The following CACNA1H variants were observed in gnomAD, a reference collection of about 807,000 sequenced individuals.
The protein encoded by CACNA1H is calcium voltage-gated channel subunit alpha1 H, also known as voltage-dependent T-type calcium channel subunit alpha-1H.
A neutral mutation model predicts 192.5 loss-of-function variants in CACNA1H; 149 were observed. The observed-to-expected ratio is 0.77, with a 90% CI of 0.68 to 0.89. CACNA1H has a LOEUF of 0.89. Ranked by LOEUF, CACNA1H falls within the 40% of genes least tolerant of loss-of-function variation. CACNA1H has a pLI of 0.00. For missense variants in CACNA1H, 4,257 were observed against 3,423.5 expected, an observed-to-expected ratio of 1.24 and a Z score of -6.08; for synonymous variants, 2,202 against 1,475.2, an observed-to-expected ratio of 1.49 and a Z score of -11.29.
At position 1,208,106 on chromosome 16, in the gene CACNA1H, C is replaced by T. The variant is rs1064793076; in HGVS notation, c.3248C>T (p.Thr1083Met). 12 of 1,595,254 alleles carry T rather than the reference C, an allele frequency of 7.5e-6. No homozygotes were observed. The highest frequency in any genetic ancestry group is 1.0e-5 in the Non-Finnish European group (12 of 1,172,138). ...CCCCTCATCATGTGCACAGCTGCCACGCCCATGCCTACCCCCAAGAGCTCA... is the reference window on the plus strand; with the variant it reads ...CCCCTCATCATGTGCACAGCTGCCATGCCCATGCCTACCCCCAAGAGCTCA... ...SPPLIMCTAA[T>M]PMPTPKSSPF... is the part of the protein sequence containing the mutation. The change falls in exon 16 of 35, where the codon ACG becomes ATG. Residue 1083 changes from threonine to methionine, a missense_variant. Transcript: ENST00000348261.
chr16:1,204,386 G>C lies in CACNA1H; in HGVS notation c.2379G>C (p.Lys793Asn), dbSNP rs755411250. Reference sequence around the variant, plus strand: ...AGCTGCGCCGCATCGTGGACAGCAAGTACTTCAGCCGTGGCATCATGATGG... The same window carrying C: ...AGCTGCGCCGCATCGTGGACAGCAACTACTTCAGCCGTGGCATCATGATGG... ...SGKLRRIVDS[K>N]YFSRGIMMAI... The change falls in exon 10 of 35, where the codon AAG becomes AAC. Residue 793 changes from lysine (K) to asparagine (N), a missense_variant. Physicochemically the swap from Lys to Asn is moderately conservative, Grantham distance 94. Transcript: ENST00000348261. The C allele has an allele frequency of 1.9e-6, 3 of 1,561,706 alleles. No homozygotes were observed.
In CACNA1H at chr16:1,193,869, C is replaced by G. The variant is rs148131084; in HGVS notation, c.300-1103C>G. Among the ~76,000 whole-genome samples the G allele has an allele frequency of 8.3e-3, 1,264 of 152,156 alleles. 6 individuals are homozygous for G. Among genetic ancestry groups the G allele is most frequent in the Non-Finnish European group, 0.014 (946 of 67,956 alleles). ...GTGACAGGTGGGGGCAGGGAAGGCC[C>G]TCGTCACCAAGCCTGTTCCCCTCCT... is the stretch of plus-strand genomic sequence containing the variant. On this transcript the variant is annotated intron_variant, in intron 2 of 34. Transcript: ENST00000348261.
intron 2 of CACNA1H, among the ~76,000 whole-genome samples, chr16:1,179,022 A>G (rs1965199215): frequency 6.6e-6 from 1 of 152,168 alleles, no homozygotes; most frequent in Admixed American, 6.5e-5. Flanking sequence ...CTGTCAGGTC[A>G]CAGAGACCCT....
In CACNA1H at chr16:1,215,511, T is replaced by C. The variant is rs1476660235; in HGVS notation, c.5174-12T>C. ...CCGCCCAGCCCTGCTGACGCTCAGC[T>C]CCCGGCCCTAGTGCTGAAGCTGCTG... On this transcript the variant is annotated splice_polypyrimidine_tract_variant and intron_variant, in intron 29 of 34. Transcript: ENST00000348261. 1 of 1,610,340 alleles carries C rather than the reference T, an allele frequency of 6.2e-7. No individual in the cohort carries two copies. The highest frequency in any genetic ancestry group is 8.5e-7 in the Non-Finnish European group (1 of 1,179,024).
intron 2 of CACNA1H, among the ~76,000 whole-genome samples, chr16:1,185,439 C>T (rs1001480760): frequency 2.1e-4 from 32 of 151,304 alleles, no homozygotes; most frequent in South Asian, 6.3e-4. Flanking sequence ...GACTCCTGGA[C>T]GGTGTCTGTG....
intron 26 of CACNA1H, among the ~76,000 whole-genome samples, chr16:1,213,004 G>A (rs2745168): frequency 0.098 from 14,927 of 152,326 alleles, 976 homozygotes; most frequent in South Asian, 0.25. Flanking sequence ...GCAGGTCCTG[G>A]GGTGTGGTGG....
At position 1,196,010 on chromosome 16, in the gene CACNA1H, C is replaced by T; in HGVS notation, c.630C>T (p.Ile210=). The T allele has an allele frequency of 6.2e-7, 1 of 1,612,718 alleles. No homozygotes were observed. Among genetic ancestry groups the T allele is most frequent in the Non-Finnish European group, 8.5e-7 (1 of 1,179,604 alleles). Residue 210 remains isoleucine, a synonymous_variant, in exon 5 of 35, where the codon ATC becomes ATT. Transcript: ENST00000348261. ...TVRVLRPLRA[I]NRVPSMRILV... Reference sequence around the variant, plus strand: ...GGGTGCTGCGGCCCCTCCGCGCCATCAACCGCGTGCCTAGTAAGTGACCGG... The same window carrying T: ...GGGTGCTGCGGCCCCTCCGCGCCATTAACCGCGTGCCTAGTAAGTGACCGG...
At position 1,181,465 on chromosome 16, in the gene CACNA1H, G is replaced by A. The variant is rs1390972046; in HGVS notation, c.300-13507G>A. On this transcript the variant is annotated intron_variant, in intron 2 of 34. Coordinates refer to ENST00000348261, the MANE Select transcript of CACNA1H (RefSeq NM_021098.3). Reference sequence around the variant, plus strand: ...TTCCGGCAGAACATCCTGGGTGGTCGTGCCCCCGAGGTCCTTGCCGGTGTG... The same window carrying A: ...TTCCGGCAGAACATCCTGGGTGGTCATGCCCCCGAGGTCCTTGCCGGTGTG... 5.3e-5 allele frequency among the ~76,000 whole-genome samples: 8 copies of A among 152,356 alleles called. No individual in the cohort carries two copies. The East Asian group carries it at 1.5e-3, about 29-fold the overall frequency.
At chr16:1,199,578 C>T (rs1967525203) in intron 6 of CACNA1H, among the ~76,000 whole-genome samples, 1 of 151,172 alleles carries the variant, frequency 6.6e-6, no homozygotes. Context: ...CTCCCCACAC[C>T]CCAGAGTCCG....
At chr16:1,161,517 C>T (rs1029432914) in intron 2 of CACNA1H, among the ~76,000 whole-genome samples, 6 of 152,316 alleles carry the variant, frequency 3.9e-5, no homozygotes, top group Middle Eastern at 6.8e-3. Context: ...AAGACTCAGC[C>T]TCAACTGGGT....
At position 1,198,762 on chromosome 16, in the gene CACNA1H, G is replaced by T. The variant is rs1320625761; in HGVS notation, c.791G>T (p.Ser264Ile). Residue 264 changes from serine to isoleucine, a missense_variant, in exon 6 of 35, where the codon AGT becomes ATT. By Grantham distance (142) the Ser-to-Ile change is moderately radical. Coordinates refer to ENST00000348261, the MANE Select transcript of CACNA1H (RefSeq NM_021098.3). ...GLLRNRCFLD[S>I]AFVRNNNLTF... ...CTGCGGAACCGCTGCTTCCTGGACA[G>T]TGCCTTTGTCAGGTGCCCAGGCCCC... 1.2e-6 allele frequency: 2 copies of T among 1,611,496 alleles called. No homozygotes were observed.
In CACNA1H at chr16:1,220,214, G is replaced by A. The variant is rs770576341; in HGVS notation, c.6282G>A (p.Ser2094=). 29 of 1,571,832 alleles carry A rather than the reference G, an allele frequency of 1.8e-5. No homozygotes were observed. In the East Asian group the frequency reaches 2.4e-4, roughly 13 times the overall value. Residue 2094 remains serine, a synonymous_variant, in exon 35 of 35, where the codon TCG becomes TCA. Transcript: ENST00000348261. ...CAGGCGGAGAGGAGGCCGAGGCCTCGGACCCAGCCGACGAGGAGGTCAGCC... is the reference window on the plus strand; with the variant it reads ...CAGGCGGAGAGGAGGCCGAGGCCTCAGACCCAGCCGACGAGGAGGTCAGCC... ...AAPGGEEAEA[S]DPADEEVSHI...
chr16:1,157,790 C>G (rs1162792819), intron 2 of CACNA1H: 1 of 152,384 alleles, frequency 6.6e-6, no homozygotes, highest in Non-Finnish European at 1.5e-5. Context: ...GCCTGAACTC[C>G]AAGCTGGGGG....
Position 1,153,728 on chromosome 16 carries a change from G to A in CACNA1H, c.-10G>A, listed in dbSNP as rs1267919259. On this transcript the variant is annotated 5_prime_UTR_variant, in exon 2 of 35. Transcript: ENST00000348261. ...CCCCCTGTCCTCTGCAGGTGCTGCC[G>A]GCCGCCACCATGACCGAGGGCGCAC... The A allele has an allele frequency of 9.1e-6, 11 of 1,203,566 alleles. No homozygotes were observed. The highest frequency in any genetic ancestry group is 1.1e-5 in the Non-Finnish European group (11 of 970,236). 74.6% of individuals were successfully genotyped at this position (1,203,566 alleles called of 1,614,324 possible).
Position 1,206,261 on chromosome 16 carries a change from C to T in CACNA1H, c.2761C>T (p.Leu921=). The T allele has an allele frequency of 1.9e-6, 3 of 1,570,078 alleles. No individual in the cohort carries two copies. In the South Asian group the frequency reaches 3.5e-5, roughly 18 times the overall value. ...TMDNVATFCT[L]LMLFIFIFSI... is the part of the protein sequence containing the mutation. The stretch of plus-strand genomic sequence containing the variant: ...GGACAACGTGGCTACCTTCTGCACG[C>T]TGCTCATGCTCTTCATTTTCATCTT... Residue 921 remains leucine, a synonymous_variant, in exon 12 of 35, where the codon CTG becomes TTG. Transcript: ENST00000348261.
At chr16:1,176,965 CAG>C (rs1377575858) in intron 2 of CACNA1H, among the ~76,000 whole-genome samples, 4 of 151,992 alleles carry the variant, frequency 2.6e-5, no homozygotes, top group African/African-American at 7.2e-5. Context: ...TAGGTGGGGG[CAG>C]AGTCCCCAGG....
In CACNA1H at chr16:1,195,979, C is replaced by T. The variant is rs761902601; in HGVS notation, c.599C>T (p.Thr200Ile). 2.5e-6 allele frequency: 4 copies of T among 1,613,118 alleles called. No homozygotes were observed. Among genetic ancestry groups the T allele is most frequent in the Non-Finnish European group, 3.4e-6 (4 of 1,179,844 alleles). The change falls in exon 5 of 35, where the codon ACC (threonine) becomes ATC (isoleucine). Residue 200 changes from threonine to isoleucine, a missense_variant. Coordinates refer to ENST00000348261, the MANE Select transcript of CACNA1H (RefSeq NM_021098.3). ...AACGTGAGCCTCTCGGCTATCAGGA[C>T]CGTGCGGGTGCTGCGGCCCCTCCGC... ...GHNVSLSAIR[T>I]VRVLRPLRAI...
intron 2 of CACNA1H, among the ~76,000 whole-genome samples, chr16:1,186,904 C>T (rs935357896): frequency 6.6e-6 from 1 of 152,198 alleles, no homozygotes; most frequent in Non-Finnish European, 1.5e-5. Context: ...GGAGCTGCCG[C>T]GGTTCTGAGT....
At position 1,218,638 on chromosome 16, in the gene CACNA1H, C is replaced by T. The variant is rs530638249; in HGVS notation, c.5874C>T (p.Ala1958=). Residue 1958 remains alanine (A), a synonymous_variant, in exon 33 of 35, where the codon GCC becomes GCT. Transcript: ENST00000348261. ...AGGTGGAGATGGAGACCTATGGGGC[C>T]GGCACCCCCTTGGGTATGGTAGCCA... ...LQEVEMETYG[A]GTPLGSVASV... 128 of 1,546,200 alleles carry T rather than the reference C, an allele frequency of 8.3e-5. No individual in the cohort carries two copies. The African/African-American group carries it at 1.3e-3, about 16-fold the overall frequency.
Sources: allele counts gnomAD v4.1 joint callset (sites outside exome capture counted in the v4.1 genomes callset), GRCh38; gene constraint gnomAD v4.1.1; transcripts MANE v1.5; gene names NCBI Gene and HGNC (gene_info 2026-07-23, HGNC 2026-07-21).